The following LINC00305 variants were observed in gnomAD, a reference collection of about 807,000 sequenced individuals.
The protein encoded by LINC00305 is long intergenic non-protein coding RNA 305.
In LINC00305 at chr18:64,097,078, A is replaced by G. The variant is rs551414303; in HGVS notation, n.540+756T>C. Among the ~76,000 whole-genome samples the G allele has an allele frequency of 5.3e-4, 80 of 152,190 alleles. 1 individual carries two copies. The South Asian group carries it at 0.016, about 31-fold the overall frequency. On this transcript the variant is annotated intron_variant and non_coding_transcript_variant, in intron 3 of 3. Transcript: ENST00000666468. ...ACAGTCTACAGAATTGTAAGTTTGC[A>G]TAATGCTTCTGGAAGGGACTTTATA...
At chr18:64,118,930 T>C (rs962062182) in intron 1 of LINC00305, among the ~76,000 whole-genome samples, 1 of 151,932 alleles carries the variant, frequency 6.6e-6, no homozygotes, top group African/African-American at 2.4e-5. Flanking sequence ...GATAAATATG[T>C]GTTGTTTGAT....
At chr18:64,135,880 A>G (rs1419552370) in intron 1 of LINC00305, among the ~76,000 whole-genome samples, 2 of 150,836 alleles carry the variant, frequency 1.3e-5, no homozygotes, top group African/African-American at 4.9e-5. Flanking sequence ...TGCCTGGCCT[A>G]TTTTCTTTCA....
intron 1 of LINC00305, among the ~76,000 whole-genome samples, chr18:64,148,247 C>T (rs976923741): frequency 3.3e-5 from 5 of 152,102 alleles, no homozygotes; most frequent in African/African-American, 9.7e-5. Flanking sequence ...CTCTCTCTCT[C>T]TCTTTCAAGC....
intron 3 of LINC00305, among the ~76,000 whole-genome samples, chr18:64,084,925 A>G (rs1423601343): frequency 1.3e-5 from 2 of 152,234 alleles, no homozygotes; most frequent in African/African-American, 4.8e-5. Context: ...CCATCAATGC[A>G]GGTATGTGGC....
At chr18:64,141,592 G>GTATC (rs2144279088) in intron 1 of LINC00305, among the ~76,000 whole-genome samples, 1 of 152,300 alleles carries the variant, frequency 6.6e-6, no homozygotes, top group South Asian at 2.1e-4. Flanking sequence ...GATAATGATA[G>GTATC]TATCTACCTC....
At chr18:64,093,867 T>A (rs2051234547) in intron 3 of LINC00305, among the ~76,000 whole-genome samples, 1 of 152,178 alleles carries the variant, frequency 6.6e-6, no homozygotes, top group South Asian at 2.1e-4. Context: ...CATGAGAGGT[T>A]CTAGGAAAAC....
intron 1 of LINC00305, among the ~76,000 whole-genome samples, chr18:64,131,193 A>G (rs1160192688): frequency 6.6e-6 from 1 of 152,214 alleles, no homozygotes; most frequent in African/African-American, 2.4e-5. Flanking sequence ...TTACTAAAAG[A>G]GTTTCTTTTT....
exon 4 of LINC00305, chr18:64,080,292 G>A (rs973188823): frequency 1.1e-5 from 5 of 456,766 alleles, no homozygotes; most frequent in East Asian, 7.0e-5. Flanking sequence ...AACAGAAAAC[G>A]TCATCCAGCT....
chr18:64,145,644 G>A (rs2051493941), intron 1 of LINC00305, among the ~76,000 whole-genome samples: 1 of 152,170 alleles, frequency 6.6e-6, no homozygotes, highest in Non-Finnish European at 1.5e-5. Flanking sequence ...TCAAGCTCCT[G>A]ACCTCAGGTA....
intron 2 of LINC00305, chr18:64,098,035 C>CAACT (rs1434784909): frequency 1.1e-5 from 5 of 455,896 alleles, no homozygotes; most frequent in Non-Finnish European, 2.2e-5. Context: ...AAGGTGGCAA[C>CAACT]AACTAACCAA....
chr18:64,085,175 G>T (rs1803788575), intron 3 of LINC00305, among the ~76,000 whole-genome samples: 1 of 152,104 alleles, frequency 6.6e-6, no homozygotes, highest in Non-Finnish European at 1.5e-5. Flanking sequence ...AATCAAGAAG[G>T]CCCCTTTCAT....
chr18:64,106,937 A>C (rs564365007), intron 1 of LINC00305, among the ~76,000 whole-genome samples: 4 of 152,288 alleles, frequency 2.6e-5, no homozygotes, highest in Admixed American at 2.6e-4. Flanking sequence ...ATGAAGAAAA[A>C]ATCTTGAAAG....
chr18:64,136,880 C>T (rs2850715), intron 1 of LINC00305, among the ~76,000 whole-genome samples: 20,194 of 141,130 alleles, frequency 0.14, 1,421 homozygotes, highest in Non-Finnish European at 0.17. Context: ...GAAGGACATG[C>T]TGGCTTGATC....
chr18:64,094,887 T>TAAATAAATAAATAAATAAAAAAA (rs780361977), intron 3 of LINC00305, among the ~76,000 whole-genome samples: 1 of 114,640 alleles, frequency 8.7e-6, no homozygotes, highest in Non-Finnish European at 1.7e-5. Flanking sequence ...AAATAAATAA[T>TAAATAAATAAATAAATAAAAAAA]AAAATAAAAT....
intron 1 of LINC00305, among the ~76,000 whole-genome samples, chr18:64,118,868 A>G (rs2051349555): frequency 1.4e-5 from 2 of 146,054 alleles, no homozygotes; most frequent in Admixed American, 6.9e-5. Context: ...GTGTGTGTGT[A>G]CATATGTCAT....
intron 3 of LINC00305, among the ~76,000 whole-genome samples, chr18:64,092,717 C>T (rs1287077230): frequency 2.0e-5 from 3 of 152,176 alleles, no homozygotes; most frequent in Admixed American, 6.5e-5. Context: ...GAATTTTCTC[C>T]TCTCACGTGA....
chr18:64,084,545 T>A (rs939303835), intron 3 of LINC00305, among the ~76,000 whole-genome samples: 6 of 152,254 alleles, frequency 3.9e-5, no homozygotes, highest in Admixed American at 3.3e-4. Context: ...TATTTTTAGA[T>A]ATTTTACTCC....
chr18:64,135,034 C>T (rs567087592), intron 1 of LINC00305, among the ~76,000 whole-genome samples: 91 of 152,222 alleles, frequency 6.0e-4, no homozygotes, highest in South Asian at 2.5e-3. Context: ...ACTGGAAGTC[C>T]GAAATCAAGG....
At chr18:64,132,068 A>G (rs2051412410) in intron 1 of LINC00305, among the ~76,000 whole-genome samples, 1 of 152,264 alleles carries the variant, frequency 6.6e-6, no homozygotes, top group African/African-American at 2.4e-5. Context: ...ATAAAAGAAT[A>G]ATGCCAATTT....
Sources: gnomAD v4.1 joint callset for allele counts (sites outside exome capture counted in the v4.1 genomes callset) on GRCh38, gnomAD v4.1.1 for gene constraint, MANE v1.5 for transcripts, NCBI Gene and HGNC (gene_info 2026-07-23, HGNC 2026-07-21) for gene names.